The following ZNF717 variants were observed in gnomAD, a reference collection of about 807,000 sequenced individuals.
ZNF717 encodes krueppel-like factor X17.
In ZNF717, 9 loss-of-function variants were observed where a neutral mutation model predicts 13.8. The ratio of observed to expected loss-of-function variants is 0.65; its 90% CI spans 0.39 to 1.14. The LOEUF (loss-of-function observed/expected upper bound fraction) is 1.14, where lower values mean the gene tolerates loss of function less well. Among genes scored for constraint, ZNF717 ranks in the 50% most tolerant of loss-of-function variants. The pLI is 0.01. For missense variants in ZNF717, 1,040 were observed against 1,080.7 expected, an observed-to-expected ratio of 0.96 and a Z score of 0.53; for synonymous variants, 327 against 364.1, an observed-to-expected ratio of 0.90 and a Z score of 1.16.
chr3:75,762,446 A>G lies in ZNF717; in HGVS notation c.58-20710T>C, dbSNP rs529481114. On this transcript the variant is annotated intron_variant, in intron 2 of 4. Transcript: ENST00000652011. ...ACAGAGCAAGACTCCATCTCAAAAA[A>G]AAAAAAAAAAAAAGAATTACATTTA... 1.1e-3 allele frequency among the ~76,000 whole-genome samples: 63 copies of G among 55,052 alleles called. No homozygotes were observed. The East Asian group carries it at 0.012, about 11-fold the overall frequency. The allele number at this position is 55,052 out of a possible 152,430, so 36.1% of individuals were successfully genotyped here.
rs1575764124 is a variant in ZNF717, at chr3:75,738,139, G to T, written c.1484C>A (p.Thr495Asn). ...CCCTGTGTGAGTCCATTGATGGATAGTGAGGAATGACTTACGGTGAAACGT... is the reference window on the plus strand; with the variant it reads ...CCCTGTGTGAGTCCATTGATGGATATTGAGGAATGACTTACGGTGAAACGT... ...GKTFHRKSFL[T>N]IHQWTHTGEK... Residue 495 changes from threonine to asparagine, a missense_variant, in exon 5 of 5, where the codon ACT becomes AAT. Coordinates refer to ENST00000652011, the MANE Select transcript of ZNF717 (RefSeq NM_001290208.3). The T allele has an allele frequency of 5.1e-6, 7 of 1,360,074 alleles. No homozygotes were observed. The highest frequency in any genetic ancestry group is 6.9e-6 in the Non-Finnish European group (7 of 1,016,850). The allele number at this position is 1,360,074 out of a possible 1,614,324, so 84.3% of individuals were successfully genotyped here.
chr3:75,769,281 C>G (rs1400715338), intron 2 of ZNF717, among the ~76,000 whole-genome samples: 1 of 152,040 alleles, frequency 6.6e-6, no homozygotes, highest in Non-Finnish European at 1.5e-5. Context: ...GACTACCTGA[C>G]GATGCCAGAC....
intron 6 of ZNF717, among the ~76,000 whole-genome samples, chr3:75,701,361 C>A (rs1274918377): frequency 6.6e-6 from 1 of 152,414 alleles, no homozygotes; most frequent in South Asian, 2.1e-4. Context: ...GTTAATTAAA[C>A]CCATTTCCTT....
At chr3:75,763,295 T>C (rs1023924574) in intron 2 of ZNF717, among the ~76,000 whole-genome samples, 1 of 152,200 alleles carries the variant, frequency 6.6e-6, no homozygotes, top group Non-Finnish European at 1.5e-5. Flanking sequence ...ATGCTTGGGA[T>C]GTGTTTCAGA....
intron 2 of ZNF717, among the ~76,000 whole-genome samples, chr3:75,770,565 GA>G (rs913259945): frequency 6.6e-6 from 1 of 150,740 alleles, no homozygotes; most frequent in Non-Finnish European, 1.5e-5. Context: ...TGTCTCAAAA[GA>G]AAAAAAAATT....
At chr3:75,760,834 AAAG>A (rs576890794) in intron 2 of ZNF717, among the ~76,000 whole-genome samples, 149 of 131,894 alleles carry the variant, frequency 1.1e-3, no homozygotes, top group Admixed American at 1.5e-3. Flanking sequence ...AGACCAGAAA[AAAG>A]AAAGGAAAAA....
chr3:75,751,923 T>C (rs565843859), intron 2 of ZNF717, among the ~76,000 whole-genome samples: 1 of 151,932 alleles, frequency 6.6e-6, no homozygotes, highest in South Asian at 2.1e-4. Context: ...ACACTGCTGC[T>C]GGGATGTGAA....
intron 4 of ZNF717, among the ~76,000 whole-genome samples, chr3:75,739,803 T>G (rs1294838249): frequency 1.3e-5 from 2 of 152,250 alleles, no homozygotes; most frequent in African/African-American, 2.4e-5. Flanking sequence ...TGGCCATTTT[T>G]CTGTCTCCTA....
At chr3:75,730,837 C>T (rs1462372654) in intron 5 of ZNF717, among the ~76,000 whole-genome samples, 1 of 152,248 alleles carries the variant, frequency 6.6e-6, no homozygotes, top group Non-Finnish European at 1.5e-5. Flanking sequence ...TCTACTAATA[C>T]AATTCATCAT....
At chr3:75,776,711 G>A (rs989795159) in intron 2 of ZNF717, among the ~76,000 whole-genome samples, 1 of 152,166 alleles carries the variant, frequency 6.6e-6, no homozygotes, top group African/African-American at 2.4e-5. Context: ...GAACCCTTAA[G>A]GTAAAGCTAA....
At chr3:75,778,109 A>C (rs1944478724) in intron 2 of ZNF717, among the ~76,000 whole-genome samples, 1 of 152,010 alleles carries the variant, frequency 6.6e-6, no homozygotes, top group Non-Finnish European at 1.5e-5. Context: ...GACGTGCTAA[A>C]ACCGGAACCC....
chr3:75,749,352 T>A (rs1393487178), intron 2 of ZNF717, among the ~76,000 whole-genome samples: 4 of 152,038 alleles, frequency 2.6e-5, no homozygotes, highest in African/African-American at 9.7e-5. Context: ...TCCAAGTGTC[T>A]GTCCTTCATA....
chr3:75,759,962 T>G (rs1304167021), intron 2 of ZNF717, among the ~76,000 whole-genome samples: 1 of 152,262 alleles, frequency 6.6e-6, no homozygotes, highest in African/African-American at 2.4e-5. Context: ...GTCAGGTTGC[T>G]GTGTCAATAC....
At chr3:75,701,364 A>G (rs80314246) in intron 6 of ZNF717, among the ~76,000 whole-genome samples, 1 of 152,428 alleles carries the variant, frequency 6.6e-6, no homozygotes, top group Middle Eastern at 3.4e-3. Flanking sequence ...AATTAAACCC[A>G]TTTCCTTTAT....
At chr3:75,702,668 C>G (rs1427186970) in intron 6 of ZNF717, among the ~76,000 whole-genome samples, 6 of 151,990 alleles carry the variant, frequency 3.9e-5, no homozygotes, top group African/African-American at 1.5e-4. Context: ...GATGGATACA[C>G]CATTTTTTAT....
At chr3:75,733,778 C>CAAAAAAAAAAA (rs56196464), downstream of ZNF717, among the ~76,000 whole-genome samples, 148 of 26,620 alleles carry the variant, frequency 5.6e-3, 5 homozygotes, top group South Asian at 9.7e-3. Context: ...GACTCTATCT[C>CAAAAAAAAAAA]AAAAAAAAAA....
chr3:75,756,701 T>G (rs1575873336), intron 2 of ZNF717, among the ~76,000 whole-genome samples: 3 of 151,842 alleles, frequency 2.0e-5, no homozygotes, highest in East Asian at 3.9e-4. Flanking sequence ...TGAGACGGAG[T>G]TTCATTCTTC....
chr3:75,702,830 G>A, intron 6 of ZNF717, among the ~76,000 whole-genome samples: 1 of 152,430 alleles, frequency 6.6e-6, no homozygotes, highest in East Asian at 1.9e-4. Flanking sequence ...GTGACCCATG[G>A]CTTGAACTAG....
intron 2 of ZNF717, among the ~76,000 whole-genome samples, chr3:75,742,223 C>G (rs1458536308): frequency 2.0e-5 from 3 of 151,118 alleles, no homozygotes; most frequent in South Asian, 2.1e-4. Context: ...ACTCTGGAAG[C>G]TGAGGCTGAA....
Sources: allele counts gnomAD v4.1 joint callset (sites outside exome capture counted in the v4.1 genomes callset), GRCh38; gene constraint gnomAD v4.1.1; transcripts MANE v1.5; gene names NCBI Gene and HGNC (gene_info 2026-07-23, HGNC 2026-07-21).